Variants in APCDD1L observed in about 807,000 individuals in gnomAD.
APCDD1L encodes protein APCDD1-like.
APCDD1L carries 21 observed loss-of-function variants against 24.2 expected under a neutral mutation model. The ratio of observed to expected loss-of-function variants is 0.87; its 90% confidence interval spans 0.61 to 1.25. APCDD1L has a LOEUF of 1.25. Among genes scored for constraint, APCDD1L ranks in the 50% most tolerant of loss-of-function variants. The pLI, the probability that APCDD1L is intolerant of heterozygous loss-of-function variation, is 0.00. For synonymous variants in APCDD1L, 321 were observed against 323.6 expected (o/e 0.99, Z 0.09); for missense variants, 704 against 711.7 (o/e 0.99, Z 0.12).
At position 58,497,657 on chromosome 20, in the gene APCDD1L, T is replaced by C. The variant is rs554999777; in HGVS notation, c.49+17002A>G. Reference sequence around the variant, plus strand: ...CATGCTGGATGAGGGCCCACCTGAATGGCCTCATTTTAACTTGATGACCTC... The same window carrying C: ...CATGCTGGATGAGGGCCCACCTGAACGGCCTCATTTTAACTTGATGACCTC... On this transcript the variant is annotated intron_variant, in intron 1 of 3. Coordinates refer to ENST00000371149, the MANE Select transcript of APCDD1L (RefSeq NM_153360.3). The surrounding 1 kb of genome is among the most constrained non-coding windows in gnomAD (Gnocchi z 4.3). Among the ~76,000 whole-genome samples the C allele has an allele frequency of 3.1e-4, 47 of 152,300 alleles. No homozygotes were observed. Among genetic ancestry groups the C allele is most frequent in the Non-Finnish European group, 5.7e-4 (39 of 68,034 alleles).
chr20:58,494,389 G>A lies in APCDD1L; in HGVS notation c.49+20270C>T, dbSNP rs1036730619. ...GTTTCATTCTGTCGCATAGGCTAGA[G>A]TACAATGGGATCGGCTCACTGCAGC... On this transcript the variant is annotated intron_variant, in intron 1 of 3. Transcript: ENST00000371149. This position sits in a 1 kb window ranked among gnomAD's most constrained non-coding sequence, Gnocchi z 4.8. Among the ~76,000 whole-genome samples, 3 of 151,348 alleles carry A rather than the reference G, an allele frequency of 2.0e-5. No individual in the cohort carries two copies. The highest frequency in any genetic ancestry group is 4.4e-5 in the Non-Finnish European group (3 of 67,938).
chr20:58,468,692 C>T (rs1306108202), intron 2 of APCDD1L, among the ~76,000 whole-genome samples: 2 of 152,180 alleles, frequency 1.3e-5, no homozygotes, highest in East Asian at 1.9e-4. Flanking sequence ...CTCAGTCTCC[C>T]GAGTAGCTGC....
At chr20:58,493,185 A>G (rs1423757511) in intron 1 of APCDD1L, among the ~76,000 whole-genome samples, 2 of 152,288 alleles carry the variant, frequency 1.3e-5, no homozygotes, top group Admixed American at 1.3e-4. Context: ...CTCACAGTGC[A>G]TGCACACAGG....
In APCDD1L at chr20:58,467,547, A is replaced by C. The variant is rs1989739276; in HGVS notation, c.300T>G (p.Pro100=). The part of the protein sequence containing the change: ...FYYEDPFCGE[P]AHSLLVKGKV... ...TGCCCTTGACGAGCAGCGAGTGGGC[A>C]GGTTCCCCGCAGAAGGGGTCCTCGT... Residue 100 remains proline, a synonymous_variant, in exon 3 of 4, where the codon CCT becomes CCG. Transcript: ENST00000371149. The surrounding 1 kb of genome is among the most constrained non-coding windows in gnomAD (Gnocchi z 5.9). The C allele has an allele frequency of 6.3e-7, 1 of 1,586,874 alleles. No individual in the cohort carries two copies. The highest frequency in any genetic ancestry group is 1.8e-5 in the Admixed American group (1 of 56,922).
Position 58,466,686 on chromosome 20 carries a change from C to A in APCDD1L, c.741+420G>T, listed in dbSNP as rs1989711695. Among the ~76,000 whole-genome samples, 5 of 152,306 alleles carry A rather than the reference C, an allele frequency of 3.3e-5. No individual in the cohort carries two copies. In the South Asian group the frequency reaches 1.0e-3, roughly 32 times the overall value. ...ACAAGTCACCAACAGAGCTTCAGAG[C>A]GGGCTGAGAGCTGGCAAGGGTCACC... On this transcript the variant is annotated intron_variant, in intron 3 of 3. Coordinates refer to ENST00000371149, the MANE Select transcript of APCDD1L (RefSeq NM_153360.3).
At chr20:58,465,888 T>G (rs961266734) in intron 3 of APCDD1L, among the ~76,000 whole-genome samples, 1 of 152,142 alleles carries the variant, frequency 6.6e-6, no homozygotes, top group African/African-American at 2.4e-5. Flanking sequence ...GTTTTAAAAC[T>G]TGGGTAACTG....
At position 58,471,613 on chromosome 20, in the gene APCDD1L, C is replaced by A. The variant is rs578125106; in HGVS notation, c.50-866G>T. 5.9e-5 allele frequency among the ~76,000 whole-genome samples: 9 copies of A among 152,338 alleles called. No homozygotes were observed. The South Asian group carries it at 1.9e-3, about 32-fold the overall frequency. The stretch of plus-strand genomic sequence containing the variant: ...GCCCGGGAGTGGGACTGTTCACGAT[C>A]TTTTCTCGGGCTGCTGAGAGGCGAG... On this transcript the variant is annotated intron_variant, in intron 1 of 3. Transcript: ENST00000371149.
At chr20:58,493,443 A>G (rs1990262438) in intron 1 of APCDD1L, among the ~76,000 whole-genome samples, 1 of 152,256 alleles carries the variant, frequency 6.6e-6, no homozygotes, top group Admixed American at 6.5e-5. Context: ...AAAGCTAGAG[A>G]CAAACGAGAT....
chr20:58,483,328 G>A (rs1990060794), intron 1 of APCDD1L, among the ~76,000 whole-genome samples: 1 of 152,184 alleles, frequency 6.6e-6, no homozygotes, highest in Non-Finnish European at 1.5e-5. Flanking sequence ...TCTCCAGGAG[G>A]TGGGCAGGGA....
chr20:58,471,678 C>T (rs1283243183), intron 1 of APCDD1L, among the ~76,000 whole-genome samples: 1 of 152,234 alleles, frequency 6.6e-6, no homozygotes, highest in African/African-American at 2.4e-5. Flanking sequence ...AGCAGCTCTC[C>T]CAGAAACTGT....
At chr20:58,492,679 A>T (rs1990242393) in intron 1 of APCDD1L, among the ~76,000 whole-genome samples, 1 of 152,272 alleles carries the variant, frequency 6.6e-6, no homozygotes, top group Non-Finnish European at 1.5e-5. Context: ...TGTGAATCAC[A>T]ATCAGAAATA....
At chr20:58,464,626 A>G (rs1040852829) in intron 3 of APCDD1L, among the ~76,000 whole-genome samples, 1 of 152,248 alleles carries the variant, frequency 6.6e-6, no homozygotes, top group Admixed American at 6.5e-5. Flanking sequence ...CACCAGGCTC[A>G]GATAATTTTG....
intron 1 of APCDD1L, among the ~76,000 whole-genome samples, chr20:58,489,459 G>A (rs79189492): frequency 6.6e-5 from 10 of 152,204 alleles, no homozygotes; most frequent in East Asian, 1.9e-4. Flanking sequence ...CAAGGCAGGC[G>A]GATCACGAGG....
chr20:58,479,251 G>A (rs767718145), intron 1 of APCDD1L, among the ~76,000 whole-genome samples: 1 of 152,142 alleles, frequency 6.6e-6, no homozygotes, highest in Non-Finnish European at 1.5e-5. Flanking sequence ...CAAATACAAC[G>A]ATTAATGAGA....
chr20:58,471,093 T>C (rs756184754), intron 1 of APCDD1L, among the ~76,000 whole-genome samples: 2 of 152,158 alleles, frequency 1.3e-5, no homozygotes, highest in African/African-American at 2.4e-5. Context: ...TTCCACGGGC[T>C]CATCAGCCGT....
chr20:58,508,990 A>ATGTG lies in APCDD1L; in HGVS notation c.49+5668_49+5669insCACA, dbSNP rs779294567. 1.1e-4 allele frequency among the ~76,000 whole-genome samples: 11 copies of ATGTG among 102,060 alleles called. No homozygotes were observed. Among genetic ancestry groups the ATGTG allele is most frequent in the Non-Finnish European group, 2.0e-4 (10 of 49,740 alleles). 67.0% of individuals were successfully genotyped at this position (102,060 alleles called of 152,430 possible). A position where few individuals can be genotyped will look rare whatever the true frequency, so the allele number is the denominator to read the frequency against. On this transcript the variant is annotated intron_variant, in intron 1 of 3. Transcript: ENST00000371149. This position sits in a 1 kb window ranked among gnomAD's most constrained non-coding sequence, Gnocchi z 4.0. ...TGTGCGCACGTGTGTGTGCATGTGC[A>ATGTG]TGCGTGTGTGTGTGTGTGTGTGTGT...
chr20:58,464,901 C>A (rs1989679386), intron 3 of APCDD1L, among the ~76,000 whole-genome samples: 1 of 150,726 alleles, frequency 6.6e-6, no homozygotes, highest in African/African-American at 2.4e-5. Context: ...GGTGAGCAGA[C>A]CTTTAATGTA....
intron 1 of APCDD1L, among the ~76,000 whole-genome samples, chr20:58,511,388 T>C (rs1990624833): frequency 6.6e-6 from 1 of 152,272 alleles, no homozygotes; most frequent in African/African-American, 2.4e-5. Flanking sequence ...CACTGTATTT[T>C]GGAAGTTTTA....
At chr20:58,488,018 A>G (rs1235142697) in intron 1 of APCDD1L, among the ~76,000 whole-genome samples, 1 of 152,156 alleles carries the variant, frequency 6.6e-6, no homozygotes, top group African/African-American at 2.4e-5. Flanking sequence ...TAGTGTATAC[A>G]GTGGTCCCCC....
Sources: allele counts gnomAD v4.1 joint callset (sites outside exome capture counted in the v4.1 genomes callset), GRCh38; gene constraint gnomAD v4.1.1; non-coding constraint Gnocchi (gnomAD v3.1); transcripts MANE v1.5; gene names NCBI Gene and HGNC (gene_info 2026-07-23, HGNC 2026-07-21).